The following CR1L variants were observed in gnomAD, a reference collection of about 807,000 sequenced individuals.
CR1L encodes the protein complement component receptor 1-like protein.
Under a neutral mutation model 62.3 loss-of-function variants are expected in CR1L, and 59 were observed. The observed-to-expected ratio is 0.95, with a 90% CI of 0.77 to 1.18. The LOEUF is 1.18. Ranked by LOEUF, CR1L falls within the 50% of genes most tolerant of loss-of-function variation. The pLI, the probability that CR1L is intolerant of heterozygous loss-of-function variation, is 0.00. For synonymous variants in CR1L, 279 were observed against 248.7 expected (o/e 1.12, Z -1.15); for missense variants, 700 against 702.8 (o/e 1.00, Z 0.04).
chr1:207,711,858 G>A (rs1359190236), intron 10 of CR1L, among the ~76,000 whole-genome samples: 1 of 150,606 alleles, frequency 6.6e-6, no homozygotes, highest in Non-Finnish European at 1.5e-5. Flanking sequence ...AAGATCACAC[G>A]ACTGTGCTCC....
rs150810371 is a variant in CR1L, at chr1:207,696,783, C to T, written c.863-720C>T. 2.5e-3 allele frequency among the ~76,000 whole-genome samples: 381 copies of T among 152,254 alleles called. 2 individuals are homozygous for T. Among genetic ancestry groups the T allele is most frequent in the African/African-American group, 8.8e-3 (364 of 41,536 alleles). On this transcript the variant is annotated intron_variant, in intron 5 of 11. Transcript: ENST00000508064. ...AAATGTGTTCTGACTTCCTGAGTTCCGATCAACTATATTAAGAGAGAGCCA... is the reference window on the plus strand; with the variant it reads ...AAATGTGTTCTGACTTCCTGAGTTCTGATCAACTATATTAAGAGAGAGCCA...
At chr1:207,710,249 G>A (rs1373429492) in intron 10 of CR1L, 6 of 610,792 alleles carry the variant, frequency 9.8e-6, no homozygotes, top group Non-Finnish European at 1.8e-5. Context: ...GAGGTTGAGG[G>A]GGGAGGATTG....
chr1:207,669,321 C>T, intron 1 of CR1L: 1 of 646,650 alleles, frequency 1.5e-6, no homozygotes, highest in Non-Finnish European at 2.7e-6. Context: ...CCCGGAACCC[C>T]GCAGCCCTCC....
chr1:207,687,387 A>G (rs1427526629), intron 4 of CR1L, among the ~76,000 whole-genome samples: 2 of 152,160 alleles, frequency 1.3e-5, no homozygotes, highest in East Asian at 3.8e-4. Context: ...ATATGTAGTA[A>G]AGTGCACACA....
intron 1 of CR1L, chr1:207,658,442 T>A (rs1355935442): frequency 6.6e-6 from 1 of 151,954 alleles, no homozygotes; most frequent in Non-Finnish European, 1.5e-5. Flanking sequence ...GAAGTGGTGG[T>A]CAAGCACGGC....
chr1:207,696,892 C>G (rs1664108079), intron 5 of CR1L, among the ~76,000 whole-genome samples: 1 of 152,136 alleles, frequency 6.6e-6, no homozygotes, highest in African/African-American at 2.4e-5. Flanking sequence ...CGACAGTTGC[C>G]CACCTTCTCA....
intron 8 of CR1L, among the ~76,000 whole-genome samples, chr1:207,700,504 A>C (rs1249160847): frequency 6.6e-6 from 1 of 152,244 alleles, no homozygotes; most frequent in East Asian, 1.9e-4. Context: ...AAGGAGTAAC[A>C]ACTTGAAACC....
At chr1:207,662,598 T>C (rs571174828) in intron 1 of CR1L, among the ~76,000 whole-genome samples, 14 of 152,346 alleles carry the variant, frequency 9.2e-5, no homozygotes, top group Non-Finnish European at 1.2e-4. Context: ...TCGAACTTCC[T>C]CCTTTAGCTC....
At chr1:207,702,280 A>G (rs914403354) in intron 9 of CR1L, among the ~76,000 whole-genome samples, 9 of 152,174 alleles carry the variant, frequency 5.9e-5, no homozygotes, top group African/African-American at 2.2e-4. Flanking sequence ...CCCATATAAG[A>G]CAGAAAACTT....
chr1:207,680,188 G>GAGGC (rs1663773611), intron 3 of CR1L, among the ~76,000 whole-genome samples: 1 of 152,212 alleles, frequency 6.6e-6, no homozygotes, highest in African/African-American at 2.4e-5. Context: ...TATAATAGGG[G>GAGGC]AGGCTATCCA....
rs1312763658 is a variant in CR1L at position 207,647,949 on chromosome 1, T to C, written c.97+2619T>C. On this transcript the variant is annotated intron_variant, in intron 1 of 11. Transcript: ENST00000508064. ...TTAATGTTTAGAATAGGCTTAGTACTAGAAGTACATACAGCCTGGGCATCA... is the reference window on the plus strand; with the variant it reads ...TTAATGTTTAGAATAGGCTTAGTACCAGAAGTACATACAGCCTGGGCATCA... 2.0e-5 allele frequency among the ~76,000 whole-genome samples: 3 copies of C among 152,162 alleles called. No individual in the cohort carries two copies. The East Asian group carries it at 5.8e-4, about 29-fold the overall frequency.
intron 1 of CR1L, among the ~76,000 whole-genome samples, chr1:207,652,344 AGCTAATAGGAT>A (rs1663235551): frequency 6.6e-6 from 1 of 152,250 alleles, no homozygotes; most frequent in South Asian, 2.1e-4. Context: ...ACAAACCAAA[AGCTAATAGGAT>A]GTTACTTAAA....
intron 10 of CR1L, 32 bp downstream of exon 10, chr1:207,708,295 A>G (rs1664302613): frequency 6.2e-7 from 1 of 1,605,790 alleles, no homozygotes; most frequent in African/African-American, 1.3e-5. Context: ...CATTCACCCC[A>G]CCATTTAACC....
At chr1:207,655,745 T>A (rs1473332718) in intron 1 of CR1L, among the ~76,000 whole-genome samples, 2 of 152,204 alleles carry the variant, frequency 1.3e-5, no homozygotes, top group Admixed American at 6.5e-5. Context: ...GCCTGATTAA[T>A]TTGTAAGAAT....
intron 3 of CR1L, among the ~76,000 whole-genome samples, chr1:207,682,984 C>T (rs71515122): frequency 3.0e-4 from 23 of 77,612 alleles, no homozygotes; most frequent in Non-Finnish European, 5.3e-4. Context: ...TTCTTTCTTT[C>T]TTTCTTTTTT....
intron 1 of CR1L, 147 bp from the exon 2 acceptor site, chr1:207,677,242 G>C (rs1443957353): frequency 2.7e-6 from 2 of 754,604 alleles, no homozygotes; most frequent in Admixed American, 8.8e-5. Context: ...AGAATTGCTT[G>C]AACCTGTGAG....
At chr1:207,707,020 C>G (rs1664278286) in intron 9 of CR1L, among the ~76,000 whole-genome samples, 1 of 152,120 alleles carries the variant, frequency 6.6e-6, no homozygotes, top group Admixed American at 6.5e-5. Flanking sequence ...CAGAATTTGA[C>G]TCTGAAATTG....
intron 9 of CR1L, among the ~76,000 whole-genome samples, chr1:207,706,848 A>AAAC (rs1185148938): frequency 6.6e-6 from 1 of 152,208 alleles, no homozygotes; most frequent in Non-Finnish European, 1.5e-5. Context: ...TGGTAAAAAC[A>AAAC]AACAACAACA....
chr1:207,683,881 C>T lies in CR1L; in HGVS notation c.387C>T (p.Leu129=), dbSNP rs183127040. Residue 129 remains leucine, a synonymous_variant, in exon 4 of 12, where the codon CTC becomes CTT. Coordinates refer to ENST00000508064, the MANE Select transcript of CR1L (RefSeq NM_175710.2). The part of the protein sequence containing the change: ...IKYSCPKGYR[L]IGSSSATCII... ...TATTTTTTGCCTCTAGATACCGACT[C>T]ATTGGTTCCTCGTCTGCCACATGCA... 125 of 1,613,326 alleles carry T rather than the reference C, an allele frequency of 7.7e-5. No individual in the cohort carries two copies. In the East Asian group the frequency reaches 2.6e-3, roughly 33 times the overall value.
Sources: gnomAD v4.1 joint callset for allele counts (sites outside exome capture counted in the v4.1 genomes callset) on GRCh38, gnomAD v4.1.1 for gene constraint, MANE v1.5 for transcripts, NCBI Gene and HGNC (gene_info 2026-07-23, HGNC 2026-07-21) for gene names.